Variants in MAPK10 observed in about 807,000 individuals in gnomAD.
MAPK10 encodes mitogen-activated protein kinase 10, also known as JNK3 alpha protein kinase.
MAPK10 carries 25 observed loss-of-function variants against 59.3 expected under a neutral mutation model. The observed-to-expected ratio is 0.42, with a 90% CI of 0.31 to 0.59. The LOEUF is 0.59. Among genes scored for constraint, MAPK10 ranks in the 20% least tolerant of loss-of-function variants. The probability of loss-of-function intolerance (pLI) is 0.15; values close to 1 mark genes in which losing one functional copy is unlikely to be tolerated. For synonymous variants in MAPK10, 190 were observed against 200.5 expected, an observed-to-expected ratio of 0.95 and a Z score of 0.44; for missense variants, 351 against 568.9, an observed-to-expected ratio of 0.62 and a Z score of 3.90.
At chr4:86,070,762 G>A (rs1266937164) in intron 9 of MAPK10, among the ~76,000 whole-genome samples, 2 of 151,082 alleles carry the variant, frequency 1.3e-5, no homozygotes, top group Admixed American at 6.6e-5. Context: ...TGGTGTATAT[G>A]TGCCACATTT....
chr4:86,466,625 C>T (rs1196237281), intron 1 of MAPK10, among the ~76,000 whole-genome samples: 1 of 152,058 alleles, frequency 6.6e-6, no homozygotes, highest in African/African-American at 2.4e-5. Flanking sequence ...ATATAGATTC[C>T]AGATAGGTCA....
chr4:86,170,017 T>C (rs955367305), intron 3 of MAPK10, among the ~76,000 whole-genome samples: 41 of 150,630 alleles, frequency 2.7e-4, no homozygotes, highest in African/African-American at 9.7e-4. Context: ...AATGCTGAGA[T>C]TTTGTCACCA....
intron 2 of MAPK10, among the ~76,000 whole-genome samples, chr4:86,306,869 G>A (rs1408227233): frequency 2.0e-5 from 3 of 152,110 alleles, no homozygotes; most frequent in Admixed American, 6.5e-5. Flanking sequence ...ATTACTCTCC[G>A]TGTGCCCACA....
chr4:86,154,473 T>C (rs1054774009), intron 4 of MAPK10, among the ~76,000 whole-genome samples: 13 of 152,156 alleles, frequency 8.5e-5, no homozygotes, highest in African/African-American at 3.1e-4. Context: ...GTATACAATA[T>C]ACACAGTGTG....
At chr4:86,139,865 G>A (rs1315042750) in intron 4 of MAPK10, among the ~76,000 whole-genome samples, 1 of 148,450 alleles carries the variant, frequency 6.7e-6, no homozygotes, top group Admixed American at 6.7e-5. Flanking sequence ...ATCAAAAAGT[G>A]GGCGAAGGAC....
intron 1 of MAPK10, among the ~76,000 whole-genome samples, chr4:86,566,050 A>G (rs1024092739): frequency 2.0e-5 from 3 of 152,162 alleles, no homozygotes; most frequent in Non-Finnish European, 4.4e-5. Flanking sequence ...GTCTTTTCCA[A>G]TCATCTCCCT....
rs887981306 is a variant in MAPK10, at chr4:86,480,210, A to G, written c.-263+113700T>C. On this transcript the variant is annotated intron_variant, in intron 1 of 4. Transcript: ENST00000502302. Reference sequence around the variant, plus strand: ...CCTTAACTGATGACATTCCACCACAAAAGAAGTGAAAATGGCCGGTCCTTG... The same window carrying G: ...CCTTAACTGATGACATTCCACCACAGAAGAAGTGAAAATGGCCGGTCCTTG... 5.3e-5 allele frequency among the ~76,000 whole-genome samples: 8 copies of G among 152,172 alleles called. No homozygotes were observed. In the East Asian group the frequency reaches 1.5e-3, roughly 29 times the overall value.
chr4:86,104,292 T>C (rs887417034), intron 5 of MAPK10, among the ~76,000 whole-genome samples: 13 of 152,280 alleles, frequency 8.5e-5, no homozygotes, highest in South Asian at 4.1e-4. Context: ...TATTTTCTAG[T>C]ATACATATAT....
intron 1 of MAPK10, among the ~76,000 whole-genome samples, chr4:86,521,654 C>T (rs1006124010): frequency 3.9e-5 from 6 of 152,108 alleles, no homozygotes. Flanking sequence ...CTATGCCCCC[C>T]AACCACACTG....
At chr4:86,218,486 T>G (rs2088430703) in intron 2 of MAPK10, among the ~76,000 whole-genome samples, 2 of 150,524 alleles carry the variant, frequency 1.3e-5, no homozygotes, top group Non-Finnish European at 2.9e-5. Context: ...ATCTTAAAAG[T>G]TCAACATTTT....
chr4:86,120,193 A>T (rs1340118034), intron 4 of MAPK10: 1 of 152,214 alleles, frequency 6.6e-6, no homozygotes, highest in Non-Finnish European at 1.5e-5. Flanking sequence ...CATCAAGAAA[A>T]GCCATTTCAC....
chr4:86,402,002 G>A (rs1214140926), intron 1 of MAPK10, among the ~76,000 whole-genome samples: 3 of 152,070 alleles, frequency 2.0e-5, no homozygotes. Flanking sequence ...CACTGAAAAA[G>A]CATCCTACGC....
At chr4:86,255,744 G>A (rs1279898037) in intron 2 of MAPK10, among the ~76,000 whole-genome samples, 1 of 152,082 alleles carries the variant, frequency 6.6e-6, no homozygotes, top group African/African-American at 2.4e-5. Flanking sequence ...GCTTTGCCAA[G>A]ACCCTAAACA....
chr4:86,539,136 TAGAA>T (rs1205643397), intron 1 of MAPK10, among the ~76,000 whole-genome samples: 3 of 152,022 alleles, frequency 2.0e-5, no homozygotes, highest in African/African-American at 7.2e-5. Flanking sequence ...AGGAAGAAAT[TAGAA>T]ATAATGAGCT....
intron 9 of MAPK10, 43 bp from the exon 10 acceptor site, chr4:86,067,998 T>A: frequency 7.3e-7 from 1 of 1,378,880 alleles, no homozygotes; most frequent in Non-Finnish European, 9.9e-7. Context: ...AGCAGACCAC[T>A]AGCCTTTCAA....
At position 86,017,328 on chromosome 4, in the gene MAPK10, G is replaced by A; in HGVS notation, c.1295C>T (p.Ser432Phe). 6.2e-7 allele frequency: 1 copy of A among 1,614,188 alleles called. No homozygotes were observed. Among genetic ancestry groups the A allele is most frequent in the Non-Finnish European group, 8.5e-7 (1 of 1,180,020 alleles). Residue 432 changes from serine (S) to phenylalanine (F), a missense_variant, in exon 14 of 14, where the codon TCT (serine) becomes TTT (phenylalanine). This residue lies in a region of MAPK10 where 155 missense variants were observed against 204.2 expected (regional missense o/e 0.76). Transcript: ENST00000641462. This position sits in a 1 kb window ranked among gnomAD's most constrained non-coding sequence, Gnocchi z 4.4. ...NSSESLPPSS[S>F]VNDISSMSTD... ...GGACATGGAGGAGATGTCATTGACA[G>A]ACGAGGATGGAGGGAGACTCTCACT...
At chr4:86,316,534 C>T (rs1258382413) in intron 2 of MAPK10, among the ~76,000 whole-genome samples, 1 of 152,240 alleles carries the variant, frequency 6.6e-6, no homozygotes, top group Non-Finnish European at 1.5e-5. Context: ...CATATACATG[C>T]ACACAGAAAA....
chr4:86,421,285 T>C (rs1322642371), intron 1 of MAPK10, among the ~76,000 whole-genome samples: 1 of 152,138 alleles, frequency 6.6e-6, no homozygotes, highest in Non-Finnish European at 1.5e-5. Context: ...TTATATTGCT[T>C]TGGATTAGTG....
chr4:86,154,819 C>T (rs1003455106), intron 4 of MAPK10, among the ~76,000 whole-genome samples: 7 of 151,990 alleles, frequency 4.6e-5, no homozygotes, highest in Admixed American at 2.0e-4. Flanking sequence ...TATAAGGTAT[C>T]TTAAAGTACT....
Sources: allele counts gnomAD v4.1 joint callset (sites outside exome capture counted in the v4.1 genomes callset), GRCh38; gene constraint gnomAD v4.1.1; regional missense constraint gnomAD v4.1.1; non-coding constraint Gnocchi (gnomAD v3.1); transcripts MANE v1.5; gene names NCBI Gene and HGNC (gene_info 2026-07-23, HGNC 2026-07-21).